CCDC88A: variants seen among roughly 807,000 people sequenced by gnomAD.
CCDC88A encodes girdin.
A neutral mutation model predicts 234.3 loss-of-function variants in CCDC88A; 54 were observed. The observed-to-expected ratio is 0.23, with a 90% CI of 0.19 to 0.29. The LOEUF is 0.29. Among genes scored for constraint, CCDC88A ranks in the 10% least tolerant of loss-of-function variants. CCDC88A has a pLI of 1.00. For missense variants in CCDC88A, 1,832 were observed against 2,123.4 expected, an observed-to-expected ratio of 0.86 and a Z score of 2.70; for synonymous variants, 753 against 737.8, an observed-to-expected ratio of 1.02 and a Z score of -0.33.
chr2:55,317,738 A>G lies in CCDC88A; in HGVS notation c.3428T>C (p.Ile1143Thr). 6.8e-6 allele frequency: 11 copies of G among 1,613,520 alleles called. No individual in the cohort carries two copies. The highest frequency in any genetic ancestry group is 9.3e-6 in the Non-Finnish European group (11 of 1,179,622). ...AGATTTTAGGTCTTCTCGCTCTTTG[A>G]TTACAGATTCATTTTCATTTTCTAA... ...SSLENENESV[I>T]KEREDLKSLY... Residue 1143 changes from isoleucine to threonine, a missense_variant, in exon 20 of 33, where the codon ATC becomes ACC. Coordinates refer to ENST00000436346, the MANE Select transcript of CCDC88A (RefSeq NM_001365480.1). This position sits in a 1 kb window ranked among gnomAD's most constrained non-coding sequence, Gnocchi z 4.2.
intron 3 of CCDC88A, among the ~76,000 whole-genome samples, chr2:55,380,169 G>A (rs555975884): frequency 7.9e-5 from 12 of 151,698 alleles, no homozygotes; most frequent in African/African-American, 2.9e-4. Flanking sequence ...TTGGGAGATG[G>A]AGGTTGCAGT....
intron 2 of CCDC88A, among the ~76,000 whole-genome samples, chr2:55,398,097 T>C (rs1677932089): frequency 1.3e-5 from 2 of 152,176 alleles, no homozygotes. Flanking sequence ...ATCTTAAAGA[T>C]AGGTGAATGA....
chr2:55,389,835 G>A (rs1317152968), intron 2 of CCDC88A, among the ~76,000 whole-genome samples: 2 of 151,872 alleles, frequency 1.3e-5, no homozygotes. Context: ...GAGGTCAGGA[G>A]TTCAAGACCA....
chr2:55,386,805 G>A (rs1006812999), intron 3 of CCDC88A, among the ~76,000 whole-genome samples: 2 of 151,776 alleles, frequency 1.3e-5, no homozygotes, highest in African/African-American at 4.8e-5. Flanking sequence ...AACAAACAAA[G>A]AACTATCTTC....
At chr2:55,394,377 T>C (rs1677165482) in intron 2 of CCDC88A, 2 of 152,212 alleles carry the variant, frequency 1.3e-5, no homozygotes, top group African/African-American at 2.4e-5. Context: ...TTGTGAATAG[T>C]GCTGTAATAA....
At chr2:55,293,543 A>C (rs958906299) in intron 31 of CCDC88A, 1 of 152,062 alleles carries the variant, frequency 6.6e-6, no homozygotes, top group Non-Finnish European at 1.5e-5. Flanking sequence ...GTGATTACAA[A>C]GGAGACAAAT....
At chr2:55,369,373 T>A (rs976620112) in intron 5 of CCDC88A, among the ~76,000 whole-genome samples, 9 of 151,856 alleles carry the variant, frequency 5.9e-5, no homozygotes, top group Admixed American at 4.6e-4. Flanking sequence ...ATCCAGTCCT[T>A]CATAACTCAA....
intron 19 of CCDC88A, among the ~76,000 whole-genome samples, 186 bp from the exon 20 acceptor site, chr2:55,318,027 G>A (rs560723204): frequency 2.0e-4 from 30 of 152,050 alleles, no homozygotes; most frequent in Non-Finnish European, 3.5e-4. Context: ...TTGACTTTTG[G>A]AAGTGTATAT....
rs1682084212 is a variant in CCDC88A at position 55,309,694 on chromosome 2, T to C, written c.4080-440A>G. On this transcript the variant is annotated intron_variant, in intron 23 of 32. Transcript: ENST00000436346. The surrounding 1 kb of genome is among the most constrained non-coding windows in gnomAD (Gnocchi z 5.1). ...TCATTGTTATATTCTCAGTAGTATT[T>C]ACTATACAGAGAAACATCAAAGATC... 6.6e-6 allele frequency among the ~76,000 whole-genome samples: 1 copy of C among 152,132 alleles called. No individual in the cohort carries two copies. Among genetic ancestry groups the C allele is most frequent in the Admixed American group, 6.5e-5 (1 of 15,270 alleles).
At position 55,317,674 on chromosome 2, in the gene CCDC88A, T is replaced by C. The variant is rs1178984071; in HGVS notation, c.3492A>G (p.Glu1164=). Residue 1164 remains glutamate, a synonymous_variant, in exon 20 of 33, where the codon GAA becomes GAG. Transcript: ENST00000436346. The surrounding 1 kb of genome is among the most constrained non-coding windows in gnomAD (Gnocchi z 4.2). ...CTGAAGCCTGACGTTCATGAAGAAG[T>C]TCCAGCTTTTCATGATCTTTGATCA... ...DSLIKDHEKL[E]LLHERQASEY... The C allele has an allele frequency of 1.9e-6, 3 of 1,613,522 alleles. No individual in the cohort carries two copies. The highest frequency in any genetic ancestry group is 2.2e-5 in the South Asian group (2 of 91,044).
At position 55,312,647 on chromosome 2, in the gene CCDC88A, G is replaced by T. The variant is rs556902244; in HGVS notation, c.3934-68C>A. On this transcript the variant is annotated intron_variant, in intron 22 of 32. Transcript: ENST00000436346. ...TTAACATAAATCAACTGAAAAATATGAAGTACTACACAAAGATTTAAGTGT... is the reference window on the plus strand; with the variant it reads ...TTAACATAAATCAACTGAAAAATATTAAGTACTACACAAAGATTTAAGTGT... The T allele has an allele frequency of 2.7e-6, 3 of 1,112,102 alleles. No homozygotes were observed. The South Asian group carries it at 4.0e-5, about 15-fold the overall frequency. The allele number at this position is 1,112,102 out of a possible 1,614,324, so 68.9% of individuals were successfully genotyped here.
At chr2:55,392,537 A>G (rs920891836) in intron 2 of CCDC88A, among the ~76,000 whole-genome samples, 3 of 152,170 alleles carry the variant, frequency 2.0e-5, no homozygotes, top group Non-Finnish European at 1.5e-5. Context: ...AAGGCCTTTT[A>G]TTAGATTTAT....
At chr2:55,363,885 A>G (rs1574290827) in intron 6 of CCDC88A, 65 bp downstream of exon 6, 2 of 799,506 alleles carry the variant, frequency 2.5e-6, no homozygotes, top group African/African-American at 3.5e-5. Flanking sequence ...GTATTTTAGG[A>G]GATAGACAAA....
chr2:55,386,474 T>A (rs2104881827), intron 3 of CCDC88A, among the ~76,000 whole-genome samples: 1 of 151,454 alleles, frequency 6.6e-6, no homozygotes, highest in Non-Finnish European at 1.5e-5. Flanking sequence ...TTATTTTATT[T>A]TATTTTATTT....
At chr2:55,339,076 A>T (rs1327274207) in intron 13 of CCDC88A, 3 of 157,438 alleles carry the variant, frequency 1.9e-5, no homozygotes, top group Non-Finnish European at 4.2e-5. Flanking sequence ...CTCCTGCCTC[A>T]TCCTCCCGAG....
chr2:55,381,549 T>C (rs1674600466), intron 3 of CCDC88A, among the ~76,000 whole-genome samples: 5 of 45,272 alleles, frequency 1.1e-4, no homozygotes, highest in Admixed American at 6.3e-4. Flanking sequence ...TGAGACCCTG[T>C]CTCAAAAAAA....
At chr2:55,381,680 A>G (rs1376817994) in intron 3 of CCDC88A, among the ~76,000 whole-genome samples, 2 of 152,154 alleles carry the variant, frequency 1.3e-5, no homozygotes, top group Admixed American at 6.5e-5. Flanking sequence ...AGATATAAAC[A>G]TTATTTAGTT....
intron 26 of CCDC88A, 156 bp downstream of exon 26, chr2:55,302,913 C>G (rs550693102): frequency 5.3e-6 from 3 of 565,958 alleles, no homozygotes; most frequent in South Asian, 4.7e-5. Flanking sequence ...TTCAGTGCCA[C>G]TTGAAAAAAA....
At chr2:55,321,981 G>A (rs901408024) in intron 18 of CCDC88A, among the ~76,000 whole-genome samples, 2 of 150,158 alleles carry the variant, frequency 1.3e-5, no homozygotes, top group Non-Finnish European at 3.0e-5. Context: ...AGTTCCTTAA[G>A]TTTATTCATC....
Sources: allele counts gnomAD v4.1 joint callset (sites outside exome capture counted in the v4.1 genomes callset), GRCh38; gene constraint gnomAD v4.1.1; non-coding constraint Gnocchi (gnomAD v3.1); transcripts MANE v1.5; gene names NCBI Gene and HGNC (gene_info 2026-07-23, HGNC 2026-07-21).